STPG2: variants seen among roughly 807,000 people sequenced by gnomAD.
The protein encoded by STPG2 is sperm tail PG-rich repeat containing 2.
A neutral mutation model predicts 54.2 loss-of-function variants in STPG2; 56 were observed. That is an observed-to-expected ratio of 1.03 (90% CI 0.83 to 1.29). The LOEUF (loss-of-function observed/expected upper bound fraction) is 1.29, where lower values mean the gene tolerates loss of function less well. Ranked by LOEUF, STPG2 falls within the 50% of genes most tolerant of loss-of-function variation. The pLI is 0.00. For synonymous variants in STPG2, 200 were observed against 181.8 expected, an observed-to-expected ratio of 1.10 and a Z score of -0.81; for missense variants, 596 against 544.9, an observed-to-expected ratio of 1.09 and a Z score of -0.93.
In STPG2 at chr4:98,143,292, G is replaced by A. The variant is rs1578192041; in HGVS notation, c.-142C>T. The A allele has an allele frequency of 8.1e-6, 5 of 620,174 alleles. No homozygotes were observed. The highest frequency in any genetic ancestry group is 1.1e-5 in the Non-Finnish European group (4 of 353,782). 38.4% of individuals were successfully genotyped at this position (620,174 alleles called of 1,614,324 possible). Reference sequence around the variant, plus strand: ...AACTTCCGTAAACAGGGAAATTAGGGGTGGGGTTGTCTCCCCGCCCGCTCA... The same window carrying A: ...AACTTCCGTAAACAGGGAAATTAGGAGTGGGGTTGTCTCCCCGCCCGCTCA... On this transcript the variant is annotated 5_prime_UTR_variant, in exon 1 of 11. Coordinates refer to ENST00000295268, the MANE Select transcript of STPG2 (RefSeq NM_174952.3).
At chr4:97,575,299 C>T (rs548837089) in intron 10 of STPG2, among the ~76,000 whole-genome samples, 1 of 152,112 alleles carries the variant, frequency 6.6e-6, no homozygotes, top group African/African-American at 2.4e-5. Context: ...ACAAAGTCAG[C>T]ATCATTCTGA....
At chr4:97,877,295 A>G (rs1304902938) in intron 8 of STPG2, among the ~76,000 whole-genome samples, 1 of 152,170 alleles carries the variant, frequency 6.6e-6, no homozygotes, top group Non-Finnish European at 1.5e-5. Flanking sequence ...AAGGAACTCA[A>G]ACAACTCAAT....
chr4:98,124,033 TA>T, intron 3 of STPG2, among the ~76,000 whole-genome samples: 1 of 152,228 alleles, frequency 6.6e-6, no homozygotes, highest in Non-Finnish European at 1.5e-5. Flanking sequence ...ATTAGCTTGG[TA>T]AATGTTCCTC....
intron 8 of STPG2, among the ~76,000 whole-genome samples, chr4:97,904,475 A>T (rs1490688747): frequency 1.3e-5 from 2 of 152,226 alleles, no homozygotes; most frequent in Admixed American, 6.5e-5. Context: ...ATCAAAGACC[A>T]AAAGTAGATA....
intron 7 of STPG2, among the ~76,000 whole-genome samples, chr4:97,957,964 T>A (rs568327930): frequency 2.9e-4 from 44 of 151,980 alleles, no homozygotes; most frequent in Admixed American, 9.2e-4. Flanking sequence ...AAACAGAACC[T>A]CTTTAGACCA....
intron 10 of STPG2, among the ~76,000 whole-genome samples, chr4:97,698,176 G>C (rs745358231): frequency 6.6e-6 from 1 of 152,030 alleles, no homozygotes; most frequent in Non-Finnish European, 1.5e-5. Context: ...TATTTTCTTG[G>C]TGGAGTGACT....
chr4:97,987,899 A>G (rs1734876874), intron 5 of STPG2, among the ~76,000 whole-genome samples: 1 of 152,014 alleles, frequency 6.6e-6, no homozygotes, highest in African/African-American at 2.4e-5. Flanking sequence ...TCTTCAGTCT[A>G]CTGACATAGC....
chr4:97,837,410 C>A (rs1236627728), intron 9 of STPG2, among the ~76,000 whole-genome samples: 1 of 151,668 alleles, frequency 6.6e-6, no homozygotes, highest in Non-Finnish European at 1.5e-5. Context: ...CATACCCCTG[C>A]CCCCAACCCA....
rs779285458 is a variant in STPG2, at chr4:97,765,401, T to C, written c.1205-52587A>G. Among the ~76,000 whole-genome samples the C allele has an allele frequency of 1.1e-4, 16 of 152,268 alleles. No homozygotes were observed. In the South Asian group the frequency reaches 1.9e-3, roughly 18 times the overall value. ...GGCTTGTAGATGTCTTAACTTGATATGTGACAGTAAATCCCAGTGGGAGGT... is the reference window on the plus strand; with the variant it reads ...GGCTTGTAGATGTCTTAACTTGATACGTGACAGTAAATCCCAGTGGGAGGT... On this transcript the variant is annotated intron_variant, in intron 9 of 10. Transcript: ENST00000295268.
intron 5 of STPG2, among the ~76,000 whole-genome samples, chr4:98,098,838 G>C (rs550748637): frequency 1.3e-5 from 2 of 152,046 alleles, no homozygotes; most frequent in Non-Finnish European, 2.9e-5. Flanking sequence ...CCCAAAAGAA[G>C]AAATACAAAT....
intron 5 of STPG2, among the ~76,000 whole-genome samples, chr4:98,044,611 C>T (rs1031275573): frequency 3.9e-5 from 6 of 152,162 alleles, no homozygotes; most frequent in Non-Finnish European, 8.8e-5. Flanking sequence ...TCAGCTCAAC[C>T]ATGCCGCCAG....
At chr4:97,809,085 A>G (rs1279552243) in intron 9 of STPG2, among the ~76,000 whole-genome samples, 3 of 152,194 alleles carry the variant, frequency 2.0e-5, no homozygotes, top group Non-Finnish European at 4.4e-5. Flanking sequence ...GGAAAATAAG[A>G]AACATCTACA....
At position 98,039,469 on chromosome 4, in the gene STPG2, G is replaced by GTA. The variant is rs35807856; in HGVS notation, c.613-58153_613-58152dup. ...GTGTACATATACATATTTCTTTTGT[G>GTA]TATATATATATATACAAGAAATACA... On this transcript the variant is annotated intron_variant, in intron 5 of 10. Transcript: ENST00000295268. Among the ~76,000 whole-genome samples, 119 of 129,216 alleles carry GTA rather than the reference G, an allele frequency of 9.2e-4. 1 individual carries two copies. Among genetic ancestry groups the GTA allele is most frequent in the African/African-American group, 2.3e-3 (78 of 33,262 alleles). The allele number at this position is 129,216 out of a possible 152,430, so 84.8% of individuals were successfully genotyped here. A position where few individuals can be genotyped will look rare whatever the true frequency, so the allele number is the denominator to read the frequency against.
chr4:97,658,148 A>C (rs1338579111), intron 10 of STPG2, among the ~76,000 whole-genome samples: 1 of 152,238 alleles, frequency 6.6e-6, no homozygotes, highest in Admixed American at 6.5e-5. Context: ...TAGAGTGTCA[A>C]TATTTCAAGT....
Position 97,685,257 on chromosome 4 carries a change from T to G in STPG2, c.1320+27442A>C, listed in dbSNP as rs571542818. On this transcript the variant is annotated intron_variant, in intron 10 of 10. Coordinates refer to ENST00000295268, the MANE Select transcript of STPG2 (RefSeq NM_174952.3). Reference sequence around the variant, plus strand: ...TGAAAATTTATATAGACAAAAAACCTGCACATGAATGTTTATAAGAACTTT... The same window carrying G: ...TGAAAATTTATATAGACAAAAAACCGGCACATGAATGTTTATAAGAACTTT... 7.2e-5 allele frequency among the ~76,000 whole-genome samples: 11 copies of G among 152,198 alleles called. No individual in the cohort carries two copies. In the East Asian group the frequency reaches 1.5e-3, roughly 21 times the overall value.
intron 9 of STPG2, among the ~76,000 whole-genome samples, chr4:97,802,458 A>C (rs573096085): frequency 1.9e-4 from 29 of 152,084 alleles, no homozygotes; most frequent in African/African-American, 6.7e-4. Flanking sequence ...GTAAATATAC[A>C]TATATATATG....
At position 98,125,703 on chromosome 4, in the gene STPG2, G is replaced by A. The variant is rs144540783; in HGVS notation, c.387+2725C>T. Among the ~76,000 whole-genome samples the A allele has an allele frequency of 3.7e-3, 557 of 152,316 alleles. 2 individuals carry two copies. Among genetic ancestry groups the A allele is most frequent in the Middle Eastern group, 0.01 (3 of 294 alleles). The stretch of plus-strand genomic sequence containing the variant: ...CTGGCCACTCCTTGGCAGAGCAGGT[G>A]TGCTGAACTGGGATGAATCCCCCTT... On this transcript the variant is annotated intron_variant, in intron 3 of 10. Transcript: ENST00000295268.
chr4:98,142,992 C>T (rs199783032), intron 1 of STPG2, 50 bp downstream of exon 1: 1 of 1,504,390 alleles, frequency 6.6e-7, no homozygotes, highest in East Asian at 2.3e-5. Context: ...GCGGAGCAGG[C>T]TGAAGATAGG....
At chr4:98,119,824 G>A (rs2110154221) in intron 3 of STPG2, among the ~76,000 whole-genome samples, 1 of 152,128 alleles carries the variant, frequency 6.6e-6, no homozygotes, top group Middle Eastern at 3.4e-3. Context: ...CCACTTATAA[G>A]AACATGTTGT....
Sources: gnomAD v4.1 joint callset for allele counts (sites outside exome capture counted in the v4.1 genomes callset) on GRCh38, gnomAD v4.1.1 for gene constraint, MANE v1.5 for transcripts, NCBI Gene and HGNC (gene_info 2026-07-23, HGNC 2026-07-21) for gene names.